Variants in DENND1C observed in about 807,000 individuals in gnomAD.
DENND1C encodes DENN domain-containing protein 1C.
Under a neutral mutation model 87.9 loss-of-function variants are expected in DENND1C, and 64 were observed. The ratio of observed to expected loss-of-function variants is 0.73; its 90% CI spans 0.60 to 0.90. DENND1C has a LOEUF of 0.90. Among genes scored for constraint, DENND1C ranks in the 40% least tolerant of loss-of-function variants. The pLI is 0.00. For synonymous variants in DENND1C, 384 were observed against 424.4 expected (o/e 0.90, Z 1.17); for missense variants, 980 against 1,037.0 (o/e 0.95, Z 0.76).
intron 15 of DENND1C, among the ~76,000 whole-genome samples, chr19:6,472,619 G>A (rs2092835833): frequency 6.6e-6 from 1 of 152,196 alleles, no homozygotes; most frequent in Non-Finnish European, 1.5e-5. Flanking sequence ...TTGAACTCCT[G>A]AACTCGTGAT....
chr19:6,467,387 G>A lies in DENND1C; in HGVS notation c.*117C>T. On this transcript the variant is annotated 3_prime_UTR_variant, in exon 23 of 23. Transcript: ENST00000381480. Reference sequence around the variant, plus strand: ...TGCCCTTGGAGGGACAGAGGTGGGTGGGATGGATTTCCGAGCAGAGTGAGG... The same window carrying A: ...TGCCCTTGGAGGGACAGAGGTGGGTAGGATGGATTTCCGAGCAGAGTGAGG... The A allele has an allele frequency of 7.5e-7, 1 of 1,340,324 alleles. No homozygotes were observed. The highest frequency in any genetic ancestry group is 9.8e-7 in the Non-Finnish European group (1 of 1,019,370). The allele number at this position is 1,340,324 out of a possible 1,614,324, so 83.0% of individuals were successfully genotyped here. A position where few individuals can be genotyped will look rare whatever the true frequency, so the allele number is the denominator to read the frequency against.
At chr19:6,479,534 G>A in intron 4 of DENND1C, 135 bp downstream of exon 4, 1 of 1,089,400 alleles carries the variant, frequency 9.2e-7, no homozygotes, top group Non-Finnish European at 1.4e-6. Context: ...CAGGGCCCCT[G>A]AGTGTCTGAG....
intron 17 of DENND1C, 76 bp downstream of exon 17, chr19:6,471,186 CCTT>C (rs2092826994): frequency 1.3e-6 from 2 of 1,536,708 alleles, no homozygotes; most frequent in South Asian, 1.2e-5. Context: ...TCGCAGCAAT[CCTT>C]CTATCTCCAC....
At chr19:6,474,834 T>C (rs1009394632) in intron 14 of DENND1C, among the ~76,000 whole-genome samples, 2 of 151,990 alleles carry the variant, frequency 1.3e-5, no homozygotes, top group Non-Finnish European at 2.9e-5. Flanking sequence ...TTTAGGAGCC[T>C]GATGCGGGCA....
intron 3 of DENND1C, 42 bp from the exon 4 acceptor site, chr19:6,479,760 C>G (rs764075956): frequency 1.6e-5 from 26 of 1,613,146 alleles, no homozygotes; most frequent in Non-Finnish European, 2.0e-5. Context: ...CCACTGAGGT[C>G]GGGCACCACC....
intron 1 of DENND1C, 99 bp from the exon 2 acceptor site, chr19:6,480,150 A>G: frequency 1.3e-6 from 2 of 1,525,974 alleles, no homozygotes; most frequent in South Asian, 2.5e-5. Context: ...ATGTGCCACA[A>G]GGTGCGTCGG....
At chr19:6,474,216 G>T (rs1371059244) in intron 14 of DENND1C, among the ~76,000 whole-genome samples, 1 of 148,336 alleles carries the variant, frequency 6.7e-6, no homozygotes, top group Admixed American at 6.7e-5. Context: ...AAAAAAAAAA[G>T]AAGAAGAAGA....
chr19:6,472,531 T>C (rs1001332012), intron 15 of DENND1C, among the ~76,000 whole-genome samples: 19 of 152,054 alleles, frequency 1.2e-4, no homozygotes, highest in Admixed American at 5.2e-4. Context: ...GCTGGGATTA[T>C]AGGCGCACGC....
chr19:6,474,005 G>T (rs2092844972), intron 14 of DENND1C, among the ~76,000 whole-genome samples: 1 of 152,032 alleles, frequency 6.6e-6, no homozygotes. Flanking sequence ...GACCAGCCTG[G>T]CTAACATGGT....
rs750274045 is a variant in DENND1C at position 6,477,185 on chromosome 19, C to G, written c.513+33G>C. The stretch of plus-strand genomic sequence containing the variant: ...TCAGGAGGCTGGCCTCACCTGGACC[C>G]CCGACCTTCCAGGGTCCCCGAGCCC... On this transcript the variant is annotated intron_variant, in intron 8 of 22. Coordinates refer to ENST00000381480, the MANE Select transcript of DENND1C (RefSeq NM_024898.4). The G allele has an allele frequency of 1.7e-5, 27 of 1,590,944 alleles. No homozygotes were observed. In the African/African-American group the frequency reaches 2.8e-4, roughly 17 times the overall value.
chr19:6,479,166 A>G, intron 4 of DENND1C, 110 bp from the exon 5 acceptor site: 2 of 1,452,674 alleles, frequency 1.4e-6, no homozygotes, highest in Non-Finnish European at 1.9e-6. Flanking sequence ...TCTAGTTGTC[A>G]GGATCCCTGA....
At chr19:6,479,548 C>G (rs1050066800) in intron 4 of DENND1C, 121 bp downstream of exon 4, 24 of 1,276,778 alleles carry the variant, frequency 1.9e-5, no homozygotes, top group Non-Finnish European at 2.4e-5. Flanking sequence ...GTCTGAGTCT[C>G]TGAGTCTCAG....
chr19:6,473,098 C>A lies in DENND1C; in HGVS notation c.1054-105G>T. 3 of 811,730 alleles carry A rather than the reference C, an allele frequency of 3.7e-6. No individual in the cohort carries two copies. The South Asian group carries it at 7.2e-5, about 20-fold the overall frequency. The allele number at this position is 811,730 out of a possible 1,614,324, so 50.3% of individuals were successfully genotyped here. The stretch of plus-strand genomic sequence containing the variant: ...CATTGATTAGGCACTTGCTGTGTGT[C>A]TGATCCTGTGTGGGGCCTCATGGAT... On this transcript the variant is annotated intron_variant, in intron 14 of 22. Coordinates refer to ENST00000381480, the MANE Select transcript of DENND1C (RefSeq NM_024898.4).
At chr19:6,479,113 C>A in intron 4 of DENND1C, 57 bp from the exon 5 acceptor site, 1 of 1,605,292 alleles carries the variant, frequency 6.2e-7, no homozygotes, top group Non-Finnish European at 8.5e-7. Flanking sequence ...TGAGGATGTC[C>A]CCGCTCCCCA....
chr19:6,471,142 C>T (rs1022047088), intron 17 of DENND1C, 123 bp downstream of exon 17: 11 of 1,345,648 alleles, frequency 8.2e-6, no homozygotes, highest in Admixed American at 2.1e-5. Context: ...GATGGGGTTT[C>T]GTCACGTTGC....
intron 1 of DENND1C, among the ~76,000 whole-genome samples, chr19:6,480,740 G>A (rs915023634): frequency 3.3e-5 from 5 of 151,918 alleles, no homozygotes; most frequent in African/African-American, 1.2e-4. Context: ...CTGTAGCTGG[G>A]ATTACAGGTG....
At chr19:6,470,660 T>C (rs1195368839) in intron 17 of DENND1C, among the ~76,000 whole-genome samples, 1 of 146,606 alleles carries the variant, frequency 6.8e-6, no homozygotes, top group African/African-American at 2.5e-5. Context: ...CTTGCTCTGT[T>C]ACCCAGGCTG....
At chr19:6,472,565 A>G (rs1356214343) in intron 15 of DENND1C, among the ~76,000 whole-genome samples, 1 of 152,060 alleles carries the variant, frequency 6.6e-6, no homozygotes, top group East Asian at 1.9e-4. Context: ...TAATTTTCGT[A>G]TTTTTAGTAG....
rs770925477 is a variant in DENND1C at position 6,468,426 on chromosome 19, G to T, written c.1599C>A (p.Ser533Arg). Residue 533 changes from serine to arginine, a missense_variant, in exon 22 of 23, where the codon AGC becomes AGA. Coordinates refer to ENST00000381480, the MANE Select transcript of DENND1C (RefSeq NM_024898.4). Reference protein sequence around the residue: ...EPPGAGTPPLSPEDEGCPWAE... With the variant: ...EPPGAGTPPLRPEDEGCPWAE... ...CCCACGGGCACCCCTCATCCTCAGG[G>T]CTCAGTGGGGGTGTCCTGGGTGAGG... 2 of 1,612,838 alleles carry T rather than the reference G, an allele frequency of 1.2e-6. No individual in the cohort carries two copies. Among genetic ancestry groups the T allele is most frequent in the Non-Finnish European group, 1.7e-6 (2 of 1,179,484 alleles).
Sources: gnomAD v4.1 joint callset for allele counts (sites outside exome capture counted in the v4.1 genomes callset) on GRCh38, gnomAD v4.1.1 for gene constraint, MANE v1.5 for transcripts, NCBI Gene and HGNC (gene_info 2026-07-23, HGNC 2026-07-21) for gene names.